TXNRD2: variants seen among roughly 807,000 people sequenced by gnomAD.
The protein encoded by TXNRD2 is thioredoxin reductase 2, mitochondrial.
TXNRD2 carries 67 observed loss-of-function variants against 70.8 expected under a neutral mutation model. The ratio of observed to expected loss-of-function variants is 0.95; its 90% CI spans 0.78 to 1.16. The LOEUF (loss-of-function observed/expected upper bound fraction) is 1.16, where lower values mean the gene tolerates loss of function less well. Ranked by LOEUF, TXNRD2 falls within the 50% of genes most tolerant of loss-of-function variation. TXNRD2 has a pLI of 0.00. For synonymous variants in TXNRD2, 301 were observed against 295.8 expected (o/e 1.02, Z -0.18); for missense variants, 644 against 719.9 (o/e 0.89, Z 1.21).
intron 8 of TXNRD2, 94 bp from the exon 9 acceptor site, chr22:19,899,162 C>G: frequency 6.5e-7 from 1 of 1,536,940 alleles, no homozygotes; most frequent in Non-Finnish European, 8.9e-7. Context: ...TGCCCAGGCC[C>G]TTGGTCAGCT....
At chr22:19,921,670 G>A (rs1940921669) in intron 2 of TXNRD2, among the ~76,000 whole-genome samples, 1 of 152,194 alleles carries the variant, frequency 6.6e-6, no homozygotes, top group Non-Finnish European at 1.5e-5. Flanking sequence ...TCCAGCACAG[G>A]AGAGGGCTGA....
At position 19,924,999 on chromosome 22, in the gene TXNRD2, G is replaced by A. The variant is rs546736499; in HGVS notation, c.173-5400C>T. ...AAGTACTGAAAAAAAAAAAAAAAGC[G>A]GGGGGCCAGGCATGGTGGCTCACGC... On this transcript the variant is annotated intron_variant, in intron 2 of 17. Transcript: ENST00000400521. Among the ~76,000 whole-genome samples, 25 of 151,352 alleles carry A rather than the reference G, an allele frequency of 1.7e-4. No individual in the cohort carries two copies. In the East Asian group the frequency reaches 1.9e-3, roughly 12 times the overall value.
rs192252488 is a variant in TXNRD2 at position 19,923,553 on chromosome 22, G to A, written c.173-3954C>T. On this transcript the variant is annotated intron_variant, in intron 2 of 17. Coordinates refer to ENST00000400521, the MANE Select transcript of TXNRD2 (RefSeq NM_006440.5). ...TGTAATCCCAGCATTTTGGGAGGCC[G>A]AGGCGGGCAGATCACCTGAGGTCAG... Among the ~76,000 whole-genome samples, 487 of 152,252 alleles carry A rather than the reference G, an allele frequency of 3.2e-3. 8 individuals are homozygous for A. Among genetic ancestry groups the A allele is most frequent in the African/African-American group, 0.011 (461 of 41,552 alleles).
intron 11 of TXNRD2, among the ~76,000 whole-genome samples, chr22:19,892,568 T>C (rs1939313176): frequency 6.6e-6 from 1 of 152,232 alleles, no homozygotes; most frequent in South Asian, 2.1e-4. Flanking sequence ...GCCTCGCTTG[T>C]TGCCTGCCAG....
intron 2 of TXNRD2, among the ~76,000 whole-genome samples, chr22:19,925,111 C>A (rs1941079738): frequency 6.6e-6 from 1 of 151,644 alleles, no homozygotes; most frequent in Non-Finnish European, 1.5e-5. Context: ...GGCGAAGCCC[C>A]GTTTCTACTA....
intron 6 of TXNRD2, 145 bp downstream of exon 6, chr22:19,915,620 G>A (rs1486859046): frequency 1.3e-6 from 1 of 766,512 alleles, no homozygotes; most frequent in Non-Finnish European, 2.3e-6. Flanking sequence ...TTAAAGACAA[G>A]TGCCCAGCCT....
chr22:19,884,090 G>C (rs1938915352), intron 11 of TXNRD2: 1 of 154,468 alleles, frequency 6.5e-6, no homozygotes, highest in Admixed American at 6.5e-5. Flanking sequence ...GGAGGTGTCG[G>C]TTGCAGTGAG....
intron 1 of TXNRD2, among the ~76,000 whole-genome samples, chr22:19,934,216 A>G (rs1477082646): frequency 1.3e-5 from 2 of 152,106 alleles, no homozygotes; most frequent in Non-Finnish European, 2.9e-5. Flanking sequence ...AGCCTGGGAC[A>G]GTTCAGGTCT....
intron 11 of TXNRD2, among the ~76,000 whole-genome samples, chr22:19,889,486 C>T (rs2145954288): frequency 6.6e-6 from 1 of 152,240 alleles, no homozygotes; most frequent in Admixed American, 6.5e-5. Flanking sequence ...TGGCGGGTGC[C>T]TGTAATCCCA....
At chr22:19,930,282 C>T (rs979210831) in intron 2 of TXNRD2, among the ~76,000 whole-genome samples, 3 of 152,158 alleles carry the variant, frequency 2.0e-5, no homozygotes, top group African/African-American at 7.2e-5. Context: ...AGTTAACTCC[C>T]TCTCATTTCA....
At chr22:19,901,653 G>A (rs776589499) in intron 8 of TXNRD2, among the ~76,000 whole-genome samples, 4 of 152,266 alleles carry the variant, frequency 2.6e-5, no homozygotes, top group East Asian at 1.9e-4. Flanking sequence ...AAAAATGCCC[G>A]AGCAAAATAA....
At chr22:19,900,733 G>A (rs1482218789) in intron 8 of TXNRD2, among the ~76,000 whole-genome samples, 2 of 142,676 alleles carry the variant, frequency 1.4e-5, no homozygotes, top group Non-Finnish European at 3.0e-5. Flanking sequence ...CTGGGCAACA[G>A]AGCAAGACTC....
intron 1 of TXNRD2, among the ~76,000 whole-genome samples, chr22:19,934,824 A>G (rs555256389): frequency 1.3e-5 from 2 of 152,256 alleles, no homozygotes; most frequent in East Asian, 3.9e-4. Flanking sequence ...GGCCTCTCAA[A>G]GTGCTAGGAT....
intron 1 of TXNRD2, chr22:19,938,215 A>G (rs1941595566): frequency 6.6e-6 from 1 of 152,156 alleles, no homozygotes; most frequent in Non-Finnish European, 1.5e-5. Context: ...CATAGTTCAT[A>G]CTAGTCTCAT....
At chr22:19,880,498 C>T in intron 13 of TXNRD2, 124 bp downstream of exon 13, 2 of 931,784 alleles carry the variant, frequency 2.1e-6, no homozygotes. Flanking sequence ...CACATAAGCG[C>T]ACACACACGC....
chr22:19,881,616 A>G (rs763421669), intron 12 of TXNRD2, among the ~76,000 whole-genome samples: 25 of 152,236 alleles, frequency 1.6e-4, no homozygotes, highest in Non-Finnish European at 3.2e-4. Context: ...TCCAGTTTCC[A>G]ACACAGGAGC....
At chr22:19,929,678 G>C (rs1225719631) in intron 2 of TXNRD2, among the ~76,000 whole-genome samples, 2 of 152,290 alleles carry the variant, frequency 1.3e-5, no homozygotes, top group African/African-American at 4.8e-5. Context: ...AGAACTGAGA[G>C]ACAATAAGCA....
At chr22:19,908,067 T>G (rs1394076274) in intron 8 of TXNRD2, among the ~76,000 whole-genome samples, 7 of 117,114 alleles carry the variant, frequency 6.0e-5, no homozygotes, top group Admixed American at 5.9e-4. Flanking sequence ...GTGACCGCTC[T>G]CAGGAGAGTG....
At chr22:19,912,849 G>T (rs2146029698) in intron 7 of TXNRD2, among the ~76,000 whole-genome samples, 1 of 152,332 alleles carries the variant, frequency 6.6e-6, no homozygotes, top group East Asian at 1.9e-4. Flanking sequence ...TCCACAGTAA[G>T]CACAGGACGA....
Sources: allele counts gnomAD v4.1 joint callset (sites outside exome capture counted in the v4.1 genomes callset), GRCh38; gene constraint gnomAD v4.1.1; transcripts MANE v1.5; gene names NCBI Gene and HGNC (gene_info 2026-07-23, HGNC 2026-07-21).